The following ZNF480 variants were observed in gnomAD, a reference collection of about 807,000 sequenced individuals.
The protein encoded by ZNF480 is zinc finger protein 480.
Under a neutral mutation model 14.4 loss-of-function variants are expected in ZNF480, and 15 were observed. The ratio of observed to expected loss-of-function variants is 1.04; its 90% confidence interval spans 0.70 to 1.60. ZNF480 has a LOEUF of 1.60. ZNF480 is among the 40% of genes most tolerant of loss of function. ZNF480 has a pLI of 0.00. For synonymous variants in ZNF480, 218 were observed against 215.5 expected, an observed-to-expected ratio of 1.01 and a Z score of -0.10; for missense variants, 593 against 629.7, an observed-to-expected ratio of 0.94 and a Z score of 0.62.
chr19:52,297,395 C>A (rs915927712), intron 1 of ZNF480, among the ~76,000 whole-genome samples, 172 bp downstream of exon 1: 4 of 151,536 alleles, frequency 2.6e-5, no homozygotes, highest in Non-Finnish European at 5.9e-5. Flanking sequence ...GTGTTTAAAT[C>A]GCTCGGCGGC....
In ZNF480 at chr19:52,308,108, T is replaced by C. The variant is rs556114443; in HGVS notation, c.73-6045T>C. 1.9e-4 allele frequency among the ~76,000 whole-genome samples: 29 copies of C among 151,904 alleles called. No individual in the cohort carries two copies. In the South Asian group the frequency reaches 3.7e-3, roughly 20 times the overall value. On this transcript the variant is annotated intron_variant, in intron 2 of 4. Transcript: ENST00000595962. ...TCTGGGAAGGGCTCACTCCCTAGCA[T>C]GGATGGAGATGGGGTGCGGGCCCCA... is the stretch of plus-strand genomic sequence containing the variant.
intron 1 of ZNF480, among the ~76,000 whole-genome samples, chr19:52,298,628 T>G (rs1982535085): frequency 6.8e-6 from 1 of 147,128 alleles, no homozygotes. Context: ...CAAAACTCCG[T>G]CTCAGGGAAA....
In ZNF480 at chr19:52,321,861, A is replaced by C; in HGVS notation, c.611A>C (p.Glu204Ala). 1 of 1,614,170 alleles carries C rather than the reference A, an allele frequency of 6.2e-7. No homozygotes were observed. Among genetic ancestry groups the C allele is most frequent in the Non-Finnish European group, 8.5e-7 (1 of 1,180,014 alleles). ...QKVHLREKPY[E>A]CNEHSKVFRV... ...GTACACCTTAGAGAAAAACCTTATG[A>C]ATGTAATGAGCATAGCAAAGTCTTT... The change falls in exon 5 of 5, where the codon GAA becomes GCA. Residue 204 changes from glutamate (E) to alanine (A), a missense_variant. Glu to Ala is a moderately radical substitution (Grantham distance 107). Coordinates refer to ENST00000595962, the MANE Select transcript of ZNF480 (RefSeq NM_144684.4).
intron 2 of ZNF480, 153 bp downstream of exon 2, chr19:52,300,637 T>A: frequency 7.4e-7 from 1 of 1,349,322 alleles, no homozygotes; most frequent in African/African-American, 1.5e-5. Flanking sequence ...ACCAGCTTGG[T>A]CGTGGGGACC....
rs535754509 is a variant in ZNF480, at chr19:52,316,941, A to G, written c.328+979A>G. ...TGTCTGTACCACAGTTTGTTTAACT[A>G]TTCATCCATTGGTGGACACCTGCAT... On this transcript the variant is annotated intron_variant, in intron 4 of 4. Transcript: ENST00000595962. Among the ~76,000 whole-genome samples the G allele has an allele frequency of 2.2e-4, 34 of 152,314 alleles. No individual in the cohort carries two copies. In the South Asian group the frequency reaches 6.2e-3, roughly 28 times the overall value.
In ZNF480 at chr19:52,307,976, C is replaced by T. The variant is rs949381521; in HGVS notation, c.73-6177C>T. ...CAGCTTCTTTAAAGCCTGTTTATGA[C>T]AGGCTTAGGGCCTGTTGCCAGCACC... is the stretch of plus-strand genomic sequence containing the variant. On this transcript the variant is annotated intron_variant, in intron 2 of 4. Coordinates refer to ENST00000595962, the MANE Select transcript of ZNF480 (RefSeq NM_144684.4). Among the ~76,000 whole-genome samples, 18 of 152,192 alleles carry T rather than the reference C, an allele frequency of 1.2e-4. No homozygotes were observed. In the East Asian group the frequency reaches 3.3e-3, roughly 28 times the overall value.
At chr19:52,308,307 C>CTTT (rs146136889) in intron 2 of ZNF480, among the ~76,000 whole-genome samples, 62 of 128,180 alleles carry the variant, frequency 4.8e-4, no homozygotes, top group Non-Finnish European at 6.1e-4. Context: ...TTTTTTTCTT[C>CTTT]TTTTTTTTTT....
At chr19:52,318,509 A>G (rs1373547027) in intron 4 of ZNF480, among the ~76,000 whole-genome samples, 1 of 152,176 alleles carries the variant, frequency 6.6e-6, no homozygotes, top group Non-Finnish European at 1.5e-5. Flanking sequence ...GTTTTCTTCT[A>G]TCCACAATAG....
At chr19:52,299,057 T>C (rs1982557417) in intron 1 of ZNF480, among the ~76,000 whole-genome samples, 1 of 152,222 alleles carries the variant, frequency 6.6e-6, no homozygotes, top group Non-Finnish European at 1.5e-5. Context: ...TCTGTAAGGC[T>C]GGTGCATTTT....
chr19:52,314,197 G>A lies in ZNF480; in HGVS notation c.117G>A (p.Ala39=), dbSNP rs375571539. The change falls in exon 3 of 5, where the codon GCG becomes GCA. Residue 39 remains alanine, a synonymous_variant. Transcript: ENST00000595962. ...ACGTGGCCATAGAATTCTCTCAGGCGGAGTGGAAATGCCTGGACCCTGCAC... is the reference window on the plus strand; with the variant it reads ...ACGTGGCCATAGAATTCTCTCAGGCAGAGTGGAAATGCCTGGACCCTGCAC... ...FRDVAIEFSQ[A]EWKCLDPAQR... The A allele has an allele frequency of 6.7e-5, 106 of 1,582,756 alleles. No individual in the cohort carries two copies. The highest frequency in any genetic ancestry group is 6.2e-4 in the African/African-American group (46 of 74,092).
intron 4 of ZNF480, among the ~76,000 whole-genome samples, chr19:52,316,341 C>T (rs1346971416): frequency 6.6e-6 from 1 of 151,992 alleles, no homozygotes; most frequent in Admixed American, 6.6e-5. Context: ...ATTCTGCTAC[C>T]TCAGCCTTCC....
At chr19:52,316,232 C>T (rs867671607) in intron 4 of ZNF480, among the ~76,000 whole-genome samples, 2 of 147,966 alleles carry the variant, frequency 1.4e-5, no homozygotes, top group African/African-American at 5.0e-5. Flanking sequence ...TCCTTTCTTC[C>T]TTTCCTTTAT....
chr19:52,319,256 G>A (rs1336490929), intron 4 of ZNF480, among the ~76,000 whole-genome samples: 1 of 152,134 alleles, frequency 6.6e-6, no homozygotes, highest in East Asian at 1.9e-4. Context: ...GCTCCCTGTA[G>A]CATTTCTTGT....
chr19:52,309,195 C>T (rs1983149011), intron 2 of ZNF480, among the ~76,000 whole-genome samples: 1 of 152,198 alleles, frequency 6.6e-6, no homozygotes, highest in South Asian at 2.1e-4. Context: ...AATTAACAAT[C>T]AGTCACCTCT....
chr19:52,319,897 A>C (rs963648585), intron 4 of ZNF480, among the ~76,000 whole-genome samples: 51 of 147,402 alleles, frequency 3.5e-4, no homozygotes, highest in African/African-American at 1.3e-3. Flanking sequence ...GGCTCACTGC[A>C]ATCTCTGCCT....
At chr19:52,309,024 C>T (rs1158029772) in intron 2 of ZNF480, among the ~76,000 whole-genome samples, 4 of 152,282 alleles carry the variant, frequency 2.6e-5, no homozygotes, top group Admixed American at 2.6e-4. Flanking sequence ...CACTGGGACC[C>T]ACTCCTGTCA....
intron 2 of ZNF480, among the ~76,000 whole-genome samples, chr19:52,307,167 G>A (rs992316314): frequency 6.6e-6 from 1 of 152,176 alleles, no homozygotes; most frequent in Admixed American, 6.6e-5. Context: ...GACTTCTTCA[G>A]TGTGCTGCCT....
chr19:52,312,991 T>C (rs923981012), intron 2 of ZNF480, among the ~76,000 whole-genome samples: 1 of 152,064 alleles, frequency 6.6e-6, no homozygotes, highest in Admixed American at 6.6e-5. Flanking sequence ...CAGCTGATTT[T>C]TGTATTTTTA....
intron 2 of ZNF480, among the ~76,000 whole-genome samples, chr19:52,310,975 A>C (rs1006186799): frequency 6.9e-6 from 1 of 145,972 alleles, no homozygotes; most frequent in Non-Finnish European, 1.5e-5. Flanking sequence ...ACTGGACTCC[A>C]GCCTGGGTGA....
Sources: allele counts gnomAD v4.1 joint callset (sites outside exome capture counted in the v4.1 genomes callset), GRCh38; gene constraint gnomAD v4.1.1; transcripts MANE v1.5; gene names NCBI Gene and HGNC (gene_info 2026-07-23, HGNC 2026-07-21).